The following OSBPL11 variants were observed in gnomAD, a reference collection of about 807,000 sequenced individuals.
OSBPL11 encodes oxysterol-binding protein-related protein 11.
Under a neutral mutation model 84.4 loss-of-function variants are expected in OSBPL11, and 33 were observed. The observed-to-expected ratio is 0.39, with a 90% CI of 0.30 to 0.52. The LOEUF (loss-of-function observed/expected upper bound fraction) is 0.52, where lower values mean the gene tolerates loss of function less well. Among genes scored for constraint, OSBPL11 ranks in the 20% least tolerant of loss-of-function variants. OSBPL11 has a pLI of 0.72. For missense variants in OSBPL11, 736 were observed against 901.1 expected (o/e 0.82, Z 2.35); for synonymous variants, 276 against 310.2 (o/e 0.89, Z 1.16).
chr3:125,536,376 TGTA>T (rs1935639982), intron 11 of OSBPL11, among the ~76,000 whole-genome samples: 1 of 152,194 alleles, frequency 6.6e-6, no homozygotes, highest in African/African-American at 2.4e-5. Flanking sequence ...TGCATGATTC[TGTA>T]ATATCATGCA....
At chr3:125,591,976 T>C (rs934377631) in intron 1 of OSBPL11, among the ~76,000 whole-genome samples, 2 of 152,052 alleles carry the variant, frequency 1.3e-5, no homozygotes, top group African/African-American at 4.8e-5. Flanking sequence ...CACTCAACCC[T>C]GGGAGACAGA....
intron 5 of OSBPL11, among the ~76,000 whole-genome samples, chr3:125,571,440 C>T (rs984789003): frequency 7.2e-5 from 11 of 152,170 alleles, no homozygotes; most frequent in African/African-American, 2.4e-4. Flanking sequence ...AATGTTAACC[C>T]CCAAGACAAT....
rs111266700 is a variant in OSBPL11 at position 125,530,527 on chromosome 3, T to C, written c.2232A>G (p.Gln744=). 1.6e-3 allele frequency: 2,506 copies of C among 1,613,740 alleles called. 30 individuals carry two copies. In the African/African-American group the frequency reaches 0.027, roughly 17 times the overall value. Residue 744 remains glutamine (Q), a synonymous_variant, in exon 13 of 13, where the codon CAA becomes CAG. Transcript: ENST00000296220. ...KPLWKIIPTT[Q]PAE ...TAGATAGTATGTGTCACTCTGCTGG[T>C]TGTGTTGTTGGAATTATTTTCCAAA...
intron 9 of OSBPL11, among the ~76,000 whole-genome samples, chr3:125,551,534 C>T (rs1294954737): frequency 6.6e-6 from 1 of 151,894 alleles, no homozygotes; most frequent in Non-Finnish European, 1.5e-5. Context: ...TTTGGGAGGC[C>T]GAGGTGGGTG....
chr3:125,572,714 T>A (rs1386839845), intron 5 of OSBPL11, among the ~76,000 whole-genome samples: 1 of 151,852 alleles, frequency 6.6e-6, no homozygotes, highest in Non-Finnish European at 1.5e-5. Flanking sequence ...TCTCCATTCA[T>A]GTGGAACTGT....
At chr3:125,535,965 T>C (rs1935634954) in intron 11 of OSBPL11, among the ~76,000 whole-genome samples, 1 of 151,730 alleles carries the variant, frequency 6.6e-6, no homozygotes, top group Non-Finnish European at 1.5e-5. Context: ...AAACCCCATC[T>C]CTATTAAAAA....
chr3:125,589,292 A>G (rs371081999), intron 1 of OSBPL11, among the ~76,000 whole-genome samples: 1 of 148,174 alleles, frequency 6.7e-6, no homozygotes, highest in South Asian at 2.2e-4. Flanking sequence ...TGGTGAGCCA[A>G]GATTGCACCA....
chr3:125,568,213 C>T (rs1032744577), intron 5 of OSBPL11, among the ~76,000 whole-genome samples: 2 of 151,852 alleles, frequency 1.3e-5, no homozygotes, highest in East Asian at 1.9e-4. Context: ...AGGCAGATCA[C>T]GAGGTCAGGA....
intron 10 of OSBPL11, among the ~76,000 whole-genome samples, chr3:125,544,651 G>A (rs1041813967): frequency 2.6e-5 from 4 of 152,072 alleles, no homozygotes; most frequent in African/African-American, 7.2e-5. Context: ...TTTCAACAAA[G>A]CACTTGCCTA....
At chr3:125,589,827 C>A (rs918268749) in intron 1 of OSBPL11, among the ~76,000 whole-genome samples, 1 of 152,178 alleles carries the variant, frequency 6.6e-6, no homozygotes, top group African/African-American at 2.4e-5. Context: ...TTCTATACTA[C>A]ACATTTGCAG....
Position 125,594,901 on chromosome 3 carries a change from C to G in OSBPL11, c.-101G>C. The G allele has an allele frequency of 7.5e-7, 1 of 1,341,792 alleles. No individual in the cohort carries two copies. 83.1% of individuals were successfully genotyped at this position (1,341,792 alleles called of 1,614,324 possible). ...TTAAGATTTGATCTGAATATGATAC[C>G]GGTTGCTAAATCACACGGCGGCTGG... On this transcript the variant is annotated 5_prime_UTR_variant, in exon 1 of 13. Transcript: ENST00000296220.
intron 11 of OSBPL11, among the ~76,000 whole-genome samples, chr3:125,534,256 G>T (rs765566644): frequency 1.3e-5 from 2 of 151,984 alleles, no homozygotes; most frequent in Admixed American, 1.3e-4. Context: ...GGTGGCACAC[G>T]CCTGTAGTCC....
chr3:125,531,894 G>T lies in OSBPL11; in HGVS notation c.2145C>A (p.Gly715=). ...TAAAATATTTGGTTTTCCAAGGTGT[G>T]CCTGTTTCAGTACGATGCCTTTCTT... ...RTEERHRTET[G]TPWKTKYFIK... Residue 715 remains glycine, a synonymous_variant, in exon 12 of 13, where the codon GGC becomes GGA. Transcript: ENST00000296220. The T allele has an allele frequency of 6.2e-7, 1 of 1,613,736 alleles. No individual in the cohort carries two copies. The highest frequency in any genetic ancestry group is 8.5e-7 in the Non-Finnish European group (1 of 1,179,914).
intron 10 of OSBPL11, among the ~76,000 whole-genome samples, chr3:125,538,968 T>C (rs1332057579): frequency 6.6e-6 from 1 of 152,090 alleles, no homozygotes. Context: ...AATCAATATT[T>C]ATTAGTCTAA....
chr3:125,560,946 G>A (rs755988654), intron 7 of OSBPL11, among the ~76,000 whole-genome samples: 6 of 151,946 alleles, frequency 3.9e-5, no homozygotes, highest in Non-Finnish European at 5.9e-5. Context: ...CGATCCACCC[G>A]CTTTGGCCTC....
intron 4 of OSBPL11, among the ~76,000 whole-genome samples, chr3:125,578,262 A>C (rs1459439349): frequency 6.6e-6 from 1 of 152,238 alleles, no homozygotes; most frequent in Non-Finnish European, 1.5e-5. Flanking sequence ...GCTAAATGAA[A>C]GACACCAGAT....
rs1580025382 is a variant in OSBPL11 at position 125,529,512 on chromosome 3, G to A, written c.*1003C>T. 6.6e-6 allele frequency: 1 copy of A among 150,502 alleles called. No individual in the cohort carries two copies. Among genetic ancestry groups the A allele is most frequent in the Admixed American group, 6.6e-5 (1 of 15,078 alleles). The allele number at this position is 150,502 out of a possible 1,614,324, so 9.3% of individuals were successfully genotyped here. A position where few individuals can be genotyped will look rare whatever the true frequency, so the allele number is the denominator to read the frequency against. ...GCGTTCAGTTACACATATAAGTTTT[G>A]AATTACTGACAAATATGAATAGAAT... On this transcript the variant is annotated 3_prime_UTR_variant, in exon 13 of 13. Coordinates refer to ENST00000296220, the MANE Select transcript of OSBPL11 (RefSeq NM_022776.5).
At chr3:125,568,849 C>T (rs7653821) in intron 5 of OSBPL11, among the ~76,000 whole-genome samples, 3,735 of 152,274 alleles carry the variant, frequency 0.025, 132 homozygotes, top group African/African-American at 0.075. Context: ...GAGCAGAAGG[C>T]TCTCTAATGG....
At chr3:125,592,754 A>T (rs1936617472) in intron 1 of OSBPL11, among the ~76,000 whole-genome samples, 1 of 152,140 alleles carries the variant, frequency 6.6e-6, no homozygotes, top group Non-Finnish European at 1.5e-5. Context: ...AAGAGATATC[A>T]AGCATATTAA....
Sources: allele counts gnomAD v4.1 joint callset (sites outside exome capture counted in the v4.1 genomes callset), GRCh38; gene constraint gnomAD v4.1.1; transcripts MANE v1.5; gene names NCBI Gene and HGNC (gene_info 2026-07-23, HGNC 2026-07-21).